The following ACTA2 variants were observed in gnomAD, a reference collection of about 807,000 sequenced individuals.
The protein encoded by ACTA2 is actin alpha 2, smooth muscle, also known as actin, aortic smooth muscle.
ACTA2 carries 12 observed loss-of-function variants against 39.5 expected under a neutral mutation model. The ratio of observed to expected loss-of-function variants is 0.30; its 90% CI spans 0.19 to 0.49. The LOEUF is 0.49. ACTA2 is among the 20% of genes least tolerant of loss of function. The pLI is 0.99. For synonymous variants in ACTA2, 158 were observed against 180.6 expected (o/e 0.88, Z 1.00); for missense variants, 236 against 498.8 (o/e 0.47, Z 5.02).
Position 88,941,889 on chromosome 10 carries a change from G to A in ACTA2, c.370-20C>T, listed in dbSNP as rs1227316236. The A allele has an allele frequency of 6.2e-7, 1 of 1,600,626 alleles. No homozygotes were observed. The highest frequency in any genetic ancestry group is 1.7e-5 in the Admixed American group (1 of 58,612). Reference sequence around the variant, plus strand: ...CATAATCTGCAAAGCAATCCAAAGAGCTGAGTTAGTGAAGGTGCCCATCTG... The same window carrying A: ...CATAATCTGCAAAGCAATCCAAAGAACTGAGTTAGTGAAGGTGCCCATCTG... On this transcript the variant is annotated intron_variant, in intron 4 of 8. Transcript: ENST00000224784.
At chr10:88,979,559 C>T (rs780457943) in intron 1 of ACTA2, among the ~76,000 whole-genome samples, 4 of 152,028 alleles carry the variant, frequency 2.6e-5, no homozygotes, top group Non-Finnish European at 5.9e-5. Flanking sequence ...GTGAGAGTCT[C>T]ACACTAGGGC....
At chr10:88,937,190 A>C in intron 8 of ACTA2, among the ~76,000 whole-genome samples, 1 of 149,966 alleles carries the variant, frequency 6.7e-6, no homozygotes, top group East Asian at 1.9e-4. Flanking sequence ...ATGGAGAGAG[A>C]AAGTGTGCAT....
chr10:88,942,651 C>T (rs531864707), intron 4 of ACTA2, among the ~76,000 whole-genome samples: 220 of 152,212 alleles, frequency 1.4e-3, no homozygotes, highest in Non-Finnish European at 2.1e-3. Flanking sequence ...AGGAGATGTC[C>T]GTGGGTCTTC....
At position 88,935,355 on chromosome 10, in the gene ACTA2, A is replaced by C; in HGVS notation, c.1002T>G (p.Pro334=). 6.2e-7 allele frequency: 1 copy of C among 1,613,812 alleles called. No homozygotes were observed. The highest frequency in any genetic ancestry group is 8.5e-7 in the Non-Finnish European group (1 of 1,179,786). ...PSTMKIKIIA[P]PERKYSVWIG... is the part of the protein sequence containing the mutation. ...TCCAGACAGAGTATTTGCGCTCCGG[A>C]GGGGCAATGATCTGTCAGTCAAGAT... The change falls in exon 9 of 9, where the codon CCT becomes CCG. Residue 334 remains proline (P), a synonymous_variant. Coordinates refer to ENST00000224784, the MANE Select transcript of ACTA2 (RefSeq NM_001613.4).
At chr10:88,956,050 G>C (rs116006328), upstream of ACTA2, among the ~76,000 whole-genome samples, 3 of 152,206 alleles carry the variant, frequency 2.0e-5, no homozygotes, top group African/African-American at 7.2e-5. Flanking sequence ...TATTATTGTC[G>C]GATGCTCCAT....
upstream of ACTA2, among the ~76,000 whole-genome samples, chr10:88,953,603 A>T (rs1846086396): frequency 6.6e-6 from 1 of 152,200 alleles, no homozygotes; most frequent in South Asian, 2.1e-4. Context: ...CCTCCTTGAC[A>T]GGAAGTAGAG....
upstream of ACTA2, among the ~76,000 whole-genome samples, chr10:88,954,704 A>G (rs1846105690): frequency 6.6e-6 from 1 of 152,210 alleles, no homozygotes; most frequent in Non-Finnish European, 1.5e-5. Context: ...TGAAATAAAG[A>G]GACATATTGG....
At chr10:88,947,733 T>C (rs1163894985) in intron 2 of ACTA2, among the ~76,000 whole-genome samples, 1 of 152,232 alleles carries the variant, frequency 6.6e-6, no homozygotes, top group Non-Finnish European at 1.5e-5. Context: ...ACTCAATAAT[T>C]ATTTGTTGAA....
upstream of ACTA2, among the ~76,000 whole-genome samples, chr10:88,954,684 C>T (rs915582331): frequency 2.0e-5 from 3 of 152,082 alleles, no homozygotes; most frequent in African/African-American, 7.2e-5. Context: ...TGATAATAAT[C>T]AGACTATGAT....
intron 1 of ACTA2, among the ~76,000 whole-genome samples, chr10:88,960,973 T>A (rs1029264239): frequency 1.2e-4 from 18 of 152,158 alleles, no homozygotes; most frequent in African/African-American, 4.3e-4. Context: ...TAGTGCATTG[T>A]TCAATTTTAG....
intron 1 of ACTA2, among the ~76,000 whole-genome samples, chr10:88,965,359 A>G (rs1173633821): frequency 6.6e-6 from 1 of 152,320 alleles, no homozygotes; most frequent in African/African-American, 2.4e-5. Context: ...GCTGTCTGCA[A>G]TGACCATCTC....
chr10:88,943,651 CCTTTGGGATCCCTGAGTTCA>C (rs985916523), intron 4 of ACTA2, 126 bp downstream of exon 4: 1 of 731,900 alleles, frequency 1.4e-6, no homozygotes, highest in African/African-American at 1.7e-5. Flanking sequence ...CTGTTCCTGT[CCTTTGGGATCCCTGAGTTCA>C]CTGAAGGCTG....
chr10:88,956,735 T>C (rs1437060850), upstream of ACTA2, among the ~76,000 whole-genome samples: 1 of 152,260 alleles, frequency 6.6e-6, no homozygotes, highest in African/African-American at 2.4e-5. Context: ...TCAGATGTAC[T>C]TACTACACTT....
At chr10:88,980,329 G>A (rs1315612610) in intron 1 of ACTA2, among the ~76,000 whole-genome samples, 3 of 152,208 alleles carry the variant, frequency 2.0e-5, no homozygotes, top group Non-Finnish European at 2.9e-5. Flanking sequence ...TAGGGGACCT[G>A]AGGACTGAGG....
intron 1 of ACTA2, among the ~76,000 whole-genome samples, chr10:88,970,242 C>T (rs761260452): frequency 7.4e-4 from 113 of 152,282 alleles, no homozygotes; most frequent in Non-Finnish European, 1.0e-3. Context: ...GGTCTTTGGA[C>T]GTTTCCATCT....
chr10:88,964,880 T>C (rs1342558237), intron 1 of ACTA2, among the ~76,000 whole-genome samples: 1 of 152,088 alleles, frequency 6.6e-6, no homozygotes, highest in Non-Finnish European at 1.5e-5. Context: ...TGCCCGCCTG[T>C]TTTTCCTCTG....
chr10:88,947,434 A>T (rs1221184274), intron 2 of ACTA2, 48 bp from the exon 3 acceptor site: 1 of 1,611,450 alleles, frequency 6.2e-7, no homozygotes, highest in South Asian at 1.1e-5. Flanking sequence ...AAAACTTGTG[A>T]ATCAATTACA....
chr10:88,949,078 C>G lies in ACTA2; in HGVS notation c.-23-125G>C, dbSNP rs531498584. 49 of 825,778 alleles carry G rather than the reference C, an allele frequency of 5.9e-5. 1 individual carries two copies. The highest frequency in any genetic ancestry group is 2.1e-4 in the Admixed American group (10 of 47,482). The allele number at this position is 825,778 out of a possible 1,614,324, so 51.2% of individuals were successfully genotyped here. A position where few individuals can be genotyped will look rare whatever the true frequency, so the allele number is the denominator to read the frequency against. ...CTGTGTCCTAGTGCTATCCTCTGAC[C>G]CTTATCTAATATAGCATGTATCTGG... On this transcript the variant is annotated intron_variant, in intron 1 of 8. Coordinates refer to ENST00000224784, the MANE Select transcript of ACTA2 (RefSeq NM_001613.4).
intron 4 of ACTA2, 87 bp from the exon 5 acceptor site, chr10:88,941,956 G>T: frequency 7.9e-7 from 1 of 1,258,900 alleles, no homozygotes; most frequent in Non-Finnish European, 1.1e-6. Flanking sequence ...GATGGATGCA[G>T]AGGGGCCTGA....
Sources: allele counts gnomAD v4.1 joint callset (sites outside exome capture counted in the v4.1 genomes callset), GRCh38; gene constraint gnomAD v4.1.1; transcripts MANE v1.5; gene names NCBI Gene and HGNC (gene_info 2026-07-23, HGNC 2026-07-21).